Variants in WDFY3 observed in about 807,000 individuals in gnomAD.
WDFY3 encodes the protein WD repeat and FYVE domain-containing protein 3.
Under a neutral mutation model 409.6 loss-of-function variants are expected in WDFY3, and 66 were observed. The ratio of observed to expected loss-of-function variants is 0.16; its 90% CI spans 0.13 to 0.20. WDFY3 has a LOEUF of 0.20. WDFY3 is among the 10% of genes least tolerant of loss of function. The pLI is 1.00. For missense variants in WDFY3, 3,031 were observed against 4,298.1 expected (o/e 0.71, Z 8.24); for synonymous variants, 1,521 against 1,537.1 (o/e 0.99, Z 0.25).
intron 67 of WDFY3, among the ~76,000 whole-genome samples, chr4:84,673,789 T>A (rs545834706): frequency 9.2e-5 from 14 of 151,452 alleles, no homozygotes; most frequent in Admixed American, 3.3e-4. Context: ...AAAAAAAAAT[T>A]TTTTTTTGGT....
In WDFY3 at chr4:84,854,650, C is replaced by T. The variant is rs536247623; in HGVS notation, c.181-4625G>A. ...CTAGGCCAGGTATGGTGGCTCATGC[C>T]TTTAATCCCAGCACTTTGGGAGGTT... On this transcript the variant is annotated intron_variant, in intron 4 of 67. Transcript: ENST00000295888. Among the ~76,000 whole-genome samples, 5 of 152,292 alleles carry T rather than the reference C, an allele frequency of 3.3e-5. No individual in the cohort carries two copies. The South Asian group carries it at 1.0e-3, about 32-fold the overall frequency.
chr4:84,915,513 A>C (rs908498469), intron 2 of WDFY3, among the ~76,000 whole-genome samples: 2 of 152,214 alleles, frequency 1.3e-5, no homozygotes, highest in African/African-American at 4.8e-5. Flanking sequence ...TGGCCACACT[A>C]AAGAAGCCTA....
chr4:84,797,568 A>ATTTATTTG (rs1749679935), intron 18 of WDFY3, among the ~76,000 whole-genome samples: 1 of 150,154 alleles, frequency 6.7e-6, no homozygotes, highest in Non-Finnish European at 1.5e-5. Flanking sequence ...TTATTTATTT[A>ATTTATTTG]TTTATTTATT....
chr4:84,937,358 T>G (rs1382911285), intron 1 of WDFY3, among the ~76,000 whole-genome samples: 1 of 152,164 alleles, frequency 6.6e-6, no homozygotes, highest in African/African-American at 2.4e-5. Flanking sequence ...TCAGCGTTCT[T>G]TCCTAGTTCC....
At chr4:84,771,224 C>A (rs1349496003) in intron 30 of WDFY3, among the ~76,000 whole-genome samples, 1 of 152,146 alleles carries the variant, frequency 6.6e-6, no homozygotes, top group East Asian at 1.9e-4. Flanking sequence ...ACAGCCTCAG[C>A]CTCCTCAGGC....
chr4:84,814,833 C>G (rs1031372717), intron 13 of WDFY3, among the ~76,000 whole-genome samples: 1 of 152,044 alleles, frequency 6.6e-6, no homozygotes, highest in Non-Finnish European at 1.5e-5. Context: ...AGGAAAAAAA[C>G]ATAGTATATA....
chr4:84,801,933 T>C (rs1232429212), intron 16 of WDFY3, 69 bp from the exon 17 acceptor site: 2 of 1,487,886 alleles, frequency 1.3e-6, no homozygotes, highest in East Asian at 2.3e-5. Context: ...TCTTTTCACA[T>C]GAAGCATACC....
intron 13 of WDFY3, among the ~76,000 whole-genome samples, chr4:84,812,844 G>A (rs567629594): frequency 2.0e-5 from 3 of 152,122 alleles, no homozygotes; most frequent in Admixed American, 1.3e-4. Flanking sequence ...CTCAGTATTC[G>A]AAAAATTTCA....
chr4:84,874,136 G>A (rs979141408), intron 3 of WDFY3, among the ~76,000 whole-genome samples: 6 of 151,562 alleles, frequency 4.0e-5, no homozygotes, highest in Admixed American at 2.0e-4. Flanking sequence ...AGCAGAGACC[G>A]GGCGAGGTGG....
At chr4:84,811,645 A>C (rs967341379) in intron 13 of WDFY3, among the ~76,000 whole-genome samples, 1 of 152,178 alleles carries the variant, frequency 6.6e-6, no homozygotes, top group Non-Finnish European at 1.5e-5. Context: ...TGTTTCATTA[A>C]TTGTAGCACA....
chr4:84,839,496 T>C (rs1757036495), intron 6 of WDFY3, among the ~76,000 whole-genome samples: 1 of 151,650 alleles, frequency 6.6e-6, no homozygotes, highest in African/African-American at 2.4e-5. Context: ...CAGGCCTTCC[T>C]ATCCTAAAAC....
At chr4:84,832,008 G>A (rs1755806056) in intron 7 of WDFY3, among the ~76,000 whole-genome samples, 1 of 152,146 alleles carries the variant, frequency 6.6e-6, no homozygotes, top group Non-Finnish European at 1.5e-5. Flanking sequence ...CAAAGGAAAT[G>A]AAATTCGTAT....
chr4:84,898,692 G>A (rs1045625337), intron 2 of WDFY3, among the ~76,000 whole-genome samples: 1 of 152,032 alleles, frequency 6.6e-6, no homozygotes, highest in African/African-American at 2.4e-5. Flanking sequence ...ATTAGCTATT[G>A]GTATATCCAA....
chr4:84,884,121 A>G (rs970001119), intron 3 of WDFY3, among the ~76,000 whole-genome samples: 2 of 152,114 alleles, frequency 1.3e-5, no homozygotes, highest in Admixed American at 6.5e-5. Flanking sequence ...AAGTCATTCT[A>G]TGGTCAAAAC....
At chr4:84,947,103 G>A (rs985365434) in intron 1 of WDFY3, among the ~76,000 whole-genome samples, 39 of 151,522 alleles carry the variant, frequency 2.6e-4, no homozygotes, top group African/African-American at 8.7e-4. Context: ...CACCGTGCCC[G>A]GCCAATTTAA....
At position 84,677,180 on chromosome 4, in the gene WDFY3, A is replaced by C. The variant is rs969076127; in HGVS notation, c.10457+19T>G. The C allele has an allele frequency of 5.6e-6, 9 of 1,613,642 alleles. No individual in the cohort carries two copies. The highest frequency in any genetic ancestry group is 7.6e-6 in the Non-Finnish European group (9 of 1,179,794). On this transcript the variant is annotated intron_variant, in intron 67 of 67. Transcript: ENST00000295888. ...GAGCTTAATCAATGTAAATTCAAAA[A>C]GCAGATATCTTATCTTACTTCTGGC...
chr4:84,742,538 C>G (rs369303663), intron 37 of WDFY3, among the ~76,000 whole-genome samples: 1 of 152,140 alleles, frequency 6.6e-6, no homozygotes, highest in African/African-American at 2.4e-5. Flanking sequence ...AATGCTTCCT[C>G]TAAGCCAGGG....
chr4:84,739,404 T>C (rs1738011798), intron 39 of WDFY3: 1 of 326,724 alleles, frequency 3.1e-6, no homozygotes, highest in African/African-American at 2.1e-5. Context: ...AATTACAAAA[T>C]GTTCATTCAA....
chr4:84,785,617 C>T (rs1747413853), intron 24 of WDFY3, among the ~76,000 whole-genome samples: 1 of 152,164 alleles, frequency 6.6e-6, no homozygotes, highest in Non-Finnish European at 1.5e-5. Flanking sequence ...TTTTTATCCA[C>T]TGCTATGTCC....
Sources: gnomAD v4.1 joint callset for allele counts (sites outside exome capture counted in the v4.1 genomes callset) on GRCh38, gnomAD v4.1.1 for gene constraint, MANE v1.5 for transcripts, NCBI Gene and HGNC (gene_info 2026-07-23, HGNC 2026-07-21) for gene names.